The following GTF2F2 variants were observed in gnomAD, a reference collection of about 807,000 sequenced individuals.
GTF2F2 encodes the protein general transcription factor IIF subunit 2.
A neutral mutation model predicts 42.2 loss-of-function variants in GTF2F2; 23 were observed. That is an observed-to-expected ratio of 0.55 (90% CI 0.39 to 0.77). The LOEUF is 0.77. Ranked by LOEUF, GTF2F2 falls within the 30% of genes least tolerant of loss-of-function variation. The pLI, the probability that GTF2F2 is intolerant of heterozygous loss-of-function variation, is 0.00. For missense variants in GTF2F2, 261 were observed against 287.2 expected, an observed-to-expected ratio of 0.91 and a Z score of 0.66; for synonymous variants, 105 against 100.8, an observed-to-expected ratio of 1.04 and a Z score of -0.25.
chr13:45,193,849 G>A, intron 4 of GTF2F2: 1 of 1,613,936 alleles, frequency 6.2e-7, no homozygotes, highest in Non-Finnish European at 8.5e-7. Context: ...ATCCAGGCTG[G>A]TCAGCAGTCT....
chr13:45,258,781 A>T (rs905599405), intron 6 of GTF2F2, among the ~76,000 whole-genome samples: 1 of 152,190 alleles, frequency 6.6e-6, no homozygotes, highest in Non-Finnish European at 1.5e-5. Flanking sequence ...CTATTTATAA[A>T]TACAGTAGTA....
At chr13:45,229,703 G>GA (rs920050923) in intron 5 of GTF2F2, among the ~76,000 whole-genome samples, 1 of 151,990 alleles carries the variant, frequency 6.6e-6, no homozygotes, top group Non-Finnish European at 1.5e-5. Flanking sequence ...CTGGCCAGAA[G>GA]AAAAAATGTA....
chr13:45,161,485 T>G (rs866329890), intron 4 of GTF2F2, among the ~76,000 whole-genome samples: 1 of 152,162 alleles, frequency 6.6e-6, no homozygotes, highest in Non-Finnish European at 1.5e-5. Context: ...CCCCAGTGCT[T>G]CTTAGGGGAA....
intron 1 of GTF2F2, among the ~76,000 whole-genome samples, chr13:45,121,561 C>T (rs1273815204): frequency 6.6e-6 from 1 of 152,190 alleles, no homozygotes; most frequent in Non-Finnish European, 1.5e-5. Context: ...CCCTTGTGAT[C>T]ATTTGCTAAC....
At chr13:45,252,757 G>A in intron 5 of GTF2F2, 114 bp from the exon 6 acceptor site, 1 of 602,196 alleles carries the variant, frequency 1.7e-6, no homozygotes, top group Non-Finnish European at 2.9e-6. Flanking sequence ...TGTATCCTCT[G>A]AGGTTACCTT....
intron 4 of GTF2F2, among the ~76,000 whole-genome samples, chr13:45,161,517 G>A (rs1032400412): frequency 1.3e-5 from 2 of 152,114 alleles, no homozygotes; most frequent in Non-Finnish European, 2.9e-5. Flanking sequence ...ACACTGAATT[G>A]CATGCCTGTT....
chr13:45,191,243 A>ATATATATATATATG (rs1872635914), intron 4 of GTF2F2, among the ~76,000 whole-genome samples: 1 of 135,918 alleles, frequency 7.4e-6, no homozygotes, highest in African/African-American at 2.9e-5. Context: ...ATATATATAT[A>ATATATATATATATG]TATATATATA....
intron 4 of GTF2F2, among the ~76,000 whole-genome samples, chr13:45,202,203 A>G (rs1040351988): frequency 3.9e-5 from 6 of 152,084 alleles, no homozygotes; most frequent in African/African-American, 1.2e-4. Context: ...CCTGGCCAAC[A>G]TGGCAAAACC....
At chr13:45,234,248 A>G (rs938866021) in intron 5 of GTF2F2, among the ~76,000 whole-genome samples, 1 of 152,236 alleles carries the variant, frequency 6.6e-6, no homozygotes, top group Admixed American at 6.5e-5. Flanking sequence ...AACCAGAGCT[A>G]TGTGAAGAAT....
At chr13:45,160,475 G>A (rs1032084532) in intron 4 of GTF2F2, among the ~76,000 whole-genome samples, 9 of 152,048 alleles carry the variant, frequency 5.9e-5, no homozygotes, top group African/African-American at 1.7e-4. Flanking sequence ...TAAATTCACA[G>A]GTCTGTCTTG....
chr13:45,143,763 T>A (rs1229075805), intron 2 of GTF2F2, among the ~76,000 whole-genome samples: 1 of 152,198 alleles, frequency 6.6e-6, no homozygotes, highest in East Asian at 1.9e-4. Context: ...CAGCTCTTCC[T>A]GAATTTGGTT....
chr13:45,245,834 G>C (rs536866186), intron 5 of GTF2F2, among the ~76,000 whole-genome samples: 1 of 143,880 alleles, frequency 7.0e-6, no homozygotes, highest in East Asian at 2.1e-4. Flanking sequence ...CCAGCTACTC[G>C]GGAGGCTGAG....
At chr13:45,138,933 A>G (rs1235046114) in intron 2 of GTF2F2, among the ~76,000 whole-genome samples, 7 of 152,222 alleles carry the variant, frequency 4.6e-5, no homozygotes, top group Non-Finnish European at 1.0e-4. Flanking sequence ...GGCGGTAGCC[A>G]CTGTGCCCGG....
chr13:45,243,198 A>G (rs958752468), intron 5 of GTF2F2, among the ~76,000 whole-genome samples: 1 of 152,120 alleles, frequency 6.6e-6, no homozygotes, highest in Non-Finnish European at 1.5e-5. Context: ...ACCTACCTCC[A>G]TCCTTCTGTG....
chr13:45,122,432 G>A (rs879929816), intron 1 of GTF2F2, among the ~76,000 whole-genome samples: 3 of 151,950 alleles, frequency 2.0e-5, no homozygotes, highest in East Asian at 1.9e-4. Context: ...TCAAGAGTTC[G>A]AGACCAGCCT....
chr13:45,135,537 C>T (rs1312504782), intron 1 of GTF2F2, among the ~76,000 whole-genome samples: 2 of 152,190 alleles, frequency 1.3e-5, no homozygotes, highest in Non-Finnish European at 2.9e-5. Context: ...GGATTACAGG[C>T]GTGAGCCACC....
At chr13:45,212,279 C>G (rs1366252497) in intron 5 of GTF2F2, among the ~76,000 whole-genome samples, 1 of 152,010 alleles carries the variant, frequency 6.6e-6, no homozygotes, top group African/African-American at 2.4e-5. Flanking sequence ...TGGCTCTTGT[C>G]TTACTTGTCT....
At chr13:45,175,647 A>C (rs1871840562) in intron 4 of GTF2F2, among the ~76,000 whole-genome samples, 1 of 151,980 alleles carries the variant, frequency 6.6e-6, no homozygotes, top group Non-Finnish European at 1.5e-5. Context: ...TTTGAGATGA[A>C]GGTTCGCTCT....
At position 45,283,542 on chromosome 13, in the gene GTF2F2, G is replaced by T; in HGVS notation, c.731G>T (p.Gly244Val). 1 of 1,610,736 alleles carries T rather than the reference G, an allele frequency of 6.2e-7. No homozygotes were observed. The highest frequency in any genetic ancestry group is 1.1e-5 in the South Asian group (1 of 90,444). ...AAGCCAGAGTACAGACACTATCAAGGAGAAGAAAAGAGTGACTAAGAAGAC... is the reference window on the plus strand; with the variant it reads ...AAGCCAGAGTACAGACACTATCAAGTAGAAGAAAAGAGTGACTAAGAAGAC... ...ELKPEYRHYQ[G>V]EEKSD The change falls in exon 8 of 8, where the codon GGA becomes GTA. Residue 244 changes from glycine (G) to valine (V), a missense_variant. Gly to Val is a moderately radical substitution (Grantham distance 109). Coordinates refer to ENST00000340473, the MANE Select transcript of GTF2F2 (RefSeq NM_004128.3).
Sources: gnomAD v4.1 joint callset for allele counts (sites outside exome capture counted in the v4.1 genomes callset) on GRCh38, gnomAD v4.1.1 for gene constraint, MANE v1.5 for transcripts, NCBI Gene and HGNC (gene_info 2026-07-23, HGNC 2026-07-21) for gene names.